ROR2: variants seen among roughly 807,000 people sequenced by gnomAD.
ROR2 encodes the protein ROR family WNT receptor 2, also known as tyrosine-protein kinase transmembrane receptor ROR2.
Under a neutral mutation model 74.9 loss-of-function variants are expected in ROR2, and 33 were observed. The ratio of observed to expected loss-of-function variants is 0.44; its 90% CI spans 0.33 to 0.59. ROR2 has a LOEUF of 0.59. Ranked by LOEUF, ROR2 falls within the 20% of genes least tolerant of loss-of-function variation. The pLI, the probability that ROR2 is intolerant of heterozygous loss-of-function variation, is 0.02. For missense variants in ROR2, 1,216 were observed against 1,313.8 expected, an observed-to-expected ratio of 0.93 and a Z score of 1.15; for synonymous variants, 586 against 558.7, an observed-to-expected ratio of 1.05 and a Z score of -0.69.
At chr9:91,772,210 G>A (rs769807120) in intron 2 of ROR2, among the ~76,000 whole-genome samples, 2 of 152,196 alleles carry the variant, frequency 1.3e-5, no homozygotes, top group Non-Finnish European at 2.9e-5. Context: ...ATGAGCAAGG[G>A]AAAGATTGGG....
intron 1 of ROR2, among the ~76,000 whole-genome samples, chr9:91,825,127 C>T (rs1200717618): frequency 6.6e-6 from 1 of 152,226 alleles, no homozygotes; most frequent in Non-Finnish European, 1.5e-5. Flanking sequence ...GTTTCCACCG[C>T]TGGCAGCATG....
intron 1 of ROR2, among the ~76,000 whole-genome samples, chr9:91,908,631 C>CA (rs1830876714): frequency 6.6e-6 from 1 of 152,096 alleles, no homozygotes. Context: ...ATATCAGTCT[C>CA]AAAGAAATAA....
intron 2 of ROR2, among the ~76,000 whole-genome samples, chr9:91,765,075 G>C (rs1826020456): frequency 6.6e-6 from 1 of 152,056 alleles, no homozygotes; most frequent in African/African-American, 2.4e-5. Flanking sequence ...CTGAAGATTT[G>C]TGCTTTCTGT....
chr9:91,932,472 C>T (rs549414344), intron 1 of ROR2, among the ~76,000 whole-genome samples: 1 of 151,590 alleles, frequency 6.6e-6, no homozygotes, highest in African/African-American at 2.4e-5. Context: ...GGCTGGCCAA[C>T]ATGGCAAAAC....
At chr9:91,924,783 A>T (rs1347528363) in intron 1 of ROR2, among the ~76,000 whole-genome samples, 1 of 146,260 alleles carries the variant, frequency 6.8e-6, no homozygotes, top group African/African-American at 2.6e-5. Context: ...ACTCCATCTA[A>T]AAAAAAAAAA....
intron 1 of ROR2, among the ~76,000 whole-genome samples, chr9:91,900,384 AGCCGACCCTG>A (rs1830643267): frequency 6.6e-6 from 1 of 152,248 alleles, no homozygotes; most frequent in African/African-American, 2.4e-5. Flanking sequence ...CACAGCAGGC[AGCCGACCCTG>A]GCGCAGGCCC....
At chr9:91,745,755 A>G (rs1184826461) in intron 4 of ROR2, among the ~76,000 whole-genome samples, 1 of 152,110 alleles carries the variant, frequency 6.6e-6, no homozygotes, top group African/African-American at 2.4e-5. Context: ...ATGTGTATCT[A>G]TTCTCGAATT....
chr9:91,793,549 T>G (rs1362439012), intron 1 of ROR2, among the ~76,000 whole-genome samples: 1 of 151,818 alleles, frequency 6.6e-6, no homozygotes, highest in Non-Finnish European at 1.5e-5. Flanking sequence ...GATCATGAGG[T>G]CAGGAGTCCA....
chr9:91,812,207 C>A (rs1298578952), intron 1 of ROR2, among the ~76,000 whole-genome samples: 1 of 152,152 alleles, frequency 6.6e-6, no homozygotes, highest in Non-Finnish European at 1.5e-5. Context: ...CTCGTCTCTG[C>A]TGAAATCTAC....
At chr9:91,865,168 C>T (rs1360317806) in intron 1 of ROR2, among the ~76,000 whole-genome samples, 1 of 152,126 alleles carries the variant, frequency 6.6e-6, no homozygotes, top group Admixed American at 6.6e-5. Flanking sequence ...AAGAGATCTC[C>T]ACGAGTTCTT....
intron 7 of ROR2, among the ~76,000 whole-genome samples, chr9:91,728,713 G>C (rs1837130632): frequency 6.6e-6 from 1 of 152,240 alleles, no homozygotes; most frequent in Non-Finnish European, 1.5e-5. Context: ...TTACAGGCGT[G>C]AGCCACCACA....
rs142753912 is a variant in ROR2, at chr9:91,830,809, C to T, written c.98-54991G>A. Among the ~76,000 whole-genome samples, 599 of 139,678 alleles carry T rather than the reference C, an allele frequency of 4.3e-3. 2 individuals are homozygous for T. Among genetic ancestry groups the T allele is most frequent in the Non-Finnish European group, 6.3e-3 (412 of 65,046 alleles). 91.6% of individuals were successfully genotyped at this position (139,678 alleles called of 152,430 possible). A position where few individuals can be genotyped will look rare whatever the true frequency, so the allele number is the denominator to read the frequency against. On this transcript the variant is annotated intron_variant, in intron 1 of 8. Transcript: ENST00000375708. Reference sequence around the variant, plus strand: ...TTTACCAAAACTAAATAACTGTGTCCGTGTGTGTGTGTGTGTGTGTGTGTG... The same window carrying T: ...TTTACCAAAACTAAATAACTGTGTCTGTGTGTGTGTGTGTGTGTGTGTGTG...
In ROR2 at chr9:91,854,737, C is replaced by T. The variant is rs1180423063; in HGVS notation, c.98-78919G>A. 5.3e-5 allele frequency among the ~76,000 whole-genome samples: 8 copies of T among 152,174 alleles called. No homozygotes were observed. In the South Asian group the frequency reaches 1.5e-3, roughly 28 times the overall value. ...GTAAGCTGGAGGTCTCAGACCTAAA[C>T]GCTGGATCAAGCAAAACCACTTACA... On this transcript the variant is annotated intron_variant, in intron 1 of 8. Transcript: ENST00000375708.
At chr9:91,909,847 G>GTTTTT (rs71362365) in intron 1 of ROR2, among the ~76,000 whole-genome samples, 4 of 53,598 alleles carry the variant, frequency 7.5e-5, no homozygotes, top group African/African-American at 1.6e-4. Context: ...GGTTTGTTTT[G>GTTTTT]TTTTTTTTTT....
chr9:91,896,665 T>C (rs1188457548), intron 1 of ROR2, among the ~76,000 whole-genome samples: 5 of 152,192 alleles, frequency 3.3e-5, no homozygotes, highest in Non-Finnish European at 7.3e-5. Flanking sequence ...TTTAAACTCA[T>C]AAACTAGATG....
At chr9:91,835,844 C>CA (rs1828595727) in intron 1 of ROR2, among the ~76,000 whole-genome samples, 1 of 152,192 alleles carries the variant, frequency 6.6e-6, no homozygotes, top group African/African-American at 2.4e-5. Context: ...GAAGACACCA[C>CA]AAAAACACTC....
At chr9:91,748,352 C>T (rs536803583) in intron 4 of ROR2, among the ~76,000 whole-genome samples, 91 of 151,930 alleles carry the variant, frequency 6.0e-4, no homozygotes, top group African/African-American at 2.1e-3. Flanking sequence ...TCAAGTGAGA[C>T]ATATGTCCAT....
At chr9:91,734,467 G>A (rs1284736456) in intron 5 of ROR2, among the ~76,000 whole-genome samples, 5 of 152,090 alleles carry the variant, frequency 3.3e-5, no homozygotes, top group African/African-American at 9.7e-5. Context: ...CAGATTTGGC[G>A]ATTATTTGGT....
At chr9:91,904,050 TTGG>T (rs386736288) in intron 1 of ROR2, among the ~76,000 whole-genome samples, 3 of 146,908 alleles carry the variant, frequency 2.0e-5, no homozygotes, top group South Asian at 2.1e-4. Flanking sequence ...TTGTTTTTTT[TTGG>T]GGGGGGGGAC....
Sources: allele counts gnomAD v4.1 joint callset (sites outside exome capture counted in the v4.1 genomes callset), GRCh38; gene constraint gnomAD v4.1.1; transcripts MANE v1.5; gene names NCBI Gene and HGNC (gene_info 2026-07-23, HGNC 2026-07-21).